The following TRHDE variants were observed in gnomAD, a reference collection of about 807,000 sequenced individuals.
TRHDE encodes the protein thyrotropin releasing hormone degrading enzyme, also known as thyrotropin-releasing hormone-degrading ectoenzyme.
TRHDE carries 72 observed loss-of-function variants against 125.7 expected under a neutral mutation model. The observed-to-expected ratio is 0.57, with a 90% CI of 0.47 to 0.70. The LOEUF (loss-of-function observed/expected upper bound fraction) is 0.70. Ranked by LOEUF, TRHDE falls within the 30% of genes least tolerant of loss-of-function variation. The probability of loss-of-function intolerance (pLI) is 0.00; values close to 1 mark genes in which losing one functional copy is unlikely to be tolerated. For synonymous variants in TRHDE, 509 were observed against 509.1 expected (o/e 1.00, Z 0.00); for missense variants, 1,110 against 1,327.1 (o/e 0.84, Z 2.54).
intron 2 of TRHDE, among the ~76,000 whole-genome samples, chr12:72,223,987 T>G (rs550259817): frequency 4.4e-4 from 67 of 151,778 alleles, no homozygotes; most frequent in African/African-American, 1.6e-3. Flanking sequence ...AAAGGACGGG[T>G]GAAGGAGAAA....
chr12:72,436,934 C>A (rs1264466367), intron 3 of TRHDE, among the ~76,000 whole-genome samples: 1 of 151,788 alleles, frequency 6.6e-6, no homozygotes, highest in Admixed American at 6.6e-5. Flanking sequence ...AATTTATATT[C>A]ATATCTGGGC....
At chr12:72,458,482 T>G (rs1351223938) in intron 3 of TRHDE, among the ~76,000 whole-genome samples, 1 of 152,122 alleles carries the variant, frequency 6.6e-6, no homozygotes, top group Non-Finnish European at 1.5e-5. Flanking sequence ...TCCTCAGACG[T>G]CTGTCTTAGC....
chr12:72,234,042 TTTTA>T (rs2139375852), intron 2 of TRHDE, among the ~76,000 whole-genome samples: 1 of 152,346 alleles, frequency 6.6e-6, no homozygotes, highest in Non-Finnish European at 1.5e-5. Context: ...GATAATTTAT[TTTTA>T]TTTGTGATAT....
chr12:72,584,444 A>G lies in TRHDE; in HGVS notation c.2321+8902A>G, dbSNP rs530080877. 2.2e-3 allele frequency among the ~76,000 whole-genome samples: 329 copies of G among 152,312 alleles called. 2 individuals carry two copies. Among genetic ancestry groups the G allele is most frequent in the African/African-American group, 7.4e-3 (307 of 41,572 alleles). On this transcript the variant is annotated intron_variant, in intron 12 of 18. Transcript: ENST00000261180. Reference sequence around the variant, plus strand: ...TCTCTTAGCATTTTTCAAGAATACAATATATTGTCATTAACTATAGTCATC... The same window carrying G: ...TCTCTTAGCATTTTTCAAGAATACAGTATATTGTCATTAACTATAGTCATC...
intron 2 of TRHDE, among the ~76,000 whole-genome samples, chr12:72,131,471 T>C (rs1875864820): frequency 6.6e-6 from 1 of 152,180 alleles, no homozygotes; most frequent in Admixed American, 6.5e-5. Context: ...TGTTAATGAA[T>C]AGATTTTTTT....
At chr12:72,518,460 A>G (rs1223634432) in intron 6 of TRHDE, among the ~76,000 whole-genome samples, 2 of 151,926 alleles carry the variant, frequency 1.3e-5, no homozygotes, top group Non-Finnish European at 2.9e-5. Context: ...AGAGACTAGG[A>G]TTGCAACCCC....
intron 15 of TRHDE, among the ~76,000 whole-genome samples, chr12:72,630,211 T>C (rs1316557042): frequency 6.6e-6 from 1 of 151,594 alleles, no homozygotes. Context: ...TGTGATTTTA[T>C]TTAGAAGTAG....
chr12:72,189,809 G>C (rs1348927551), intron 2 of TRHDE, among the ~76,000 whole-genome samples: 3 of 152,154 alleles, frequency 2.0e-5, no homozygotes, highest in Non-Finnish European at 2.9e-5. Context: ...GGGAGTAAGA[G>C]AAGATACTGC....
At chr12:72,324,918 G>A (rs1262128208) in intron 2 of TRHDE, among the ~76,000 whole-genome samples, 2 of 151,812 alleles carry the variant, frequency 1.3e-5, no homozygotes, top group African/African-American at 4.8e-5. Context: ...CTAGACATTG[G>A]GTATGGCTTG....
Position 72,126,215 on chromosome 12 carries a change from C to T in TRHDE, n.279+20463C>T, listed in dbSNP as rs150227293. On this transcript the variant is annotated intron_variant and non_coding_transcript_variant, in intron 2 of 4. Coordinates refer to the TRHDE transcript ENST00000548156. ...CACTGCTGAAAGAAATCATAAATGA[C>T]GCAAACGGAAACACATTCCATGCTC... 1.1e-3 allele frequency among the ~76,000 whole-genome samples: 170 copies of T among 152,170 alleles called. 1 individual carries two copies. The highest frequency in any genetic ancestry group is 2.8e-3 in the Admixed American group (43 of 15,258).
intron 6 of TRHDE, among the ~76,000 whole-genome samples, chr12:72,503,618 G>A (rs1878242673): frequency 6.6e-6 from 1 of 152,138 alleles, no homozygotes; most frequent in South Asian, 2.1e-4. Context: ...TTGATATGTA[G>A]TATTAACTTT....
At chr12:72,271,041 C>A (rs916212981), upstream of TRHDE, among the ~76,000 whole-genome samples, 16 of 152,148 alleles carry the variant, frequency 1.1e-4, no homozygotes, top group Non-Finnish European at 1.8e-4. Flanking sequence ...ATTCGTTCAC[C>A]GTTCTAATAA....
chr12:72,595,747 C>T (rs920727592), intron 12 of TRHDE, among the ~76,000 whole-genome samples: 8 of 151,968 alleles, frequency 5.3e-5, no homozygotes, highest in Non-Finnish European at 1.2e-4. Flanking sequence ...GTGGATAAGA[C>T]AATATTTGCA....
At chr12:72,091,476 TGTTCAAAG>T (rs909938478) in intron 1 of TRHDE, among the ~76,000 whole-genome samples, 2 of 152,214 alleles carry the variant, frequency 1.3e-5, no homozygotes, top group African/African-American at 4.8e-5. Context: ...TGTTTACACT[TGTTCAAAG>T]GTAACTATAG....
At chr12:72,232,956 T>C (rs1878275331) in intron 2 of TRHDE, among the ~76,000 whole-genome samples, 1 of 152,152 alleles carries the variant, frequency 6.6e-6, no homozygotes, top group Non-Finnish European at 1.5e-5. Flanking sequence ...CCAAACTCTA[T>C]CAAAGCAGGG....
intron 1 of TRHDE, among the ~76,000 whole-genome samples, chr12:72,098,298 G>A (rs557699887): frequency 4.3e-4 from 65 of 152,266 alleles, no homozygotes; most frequent in Admixed American, 9.8e-4. Context: ...GAGAGAGCTC[G>A]TGTAGTTTTT....
At chr12:72,655,097 A>C (rs1874656040) in intron 17 of TRHDE, among the ~76,000 whole-genome samples, 1 of 152,012 alleles carries the variant, frequency 6.6e-6, no homozygotes, top group African/African-American at 2.4e-5. Flanking sequence ...TTTTGAGACA[A>C]GGTCTCACTC....
rs144938761 is a variant in TRHDE at position 72,377,287 on chromosome 12, A to AT, written c.1189-707dup. Among the ~76,000 whole-genome samples the AT allele has an allele frequency of 8.3e-3, 1,238 of 148,982 alleles. 15 individuals carry two copies. Among genetic ancestry groups the AT allele is most frequent in the African/African-American group, 0.029 (1,179 of 40,360 alleles). ...ACAATTGTTAGTTTTGTTCAGTTTC[A>AT]TGTTACTTGCTTTAGGCTTTTTTTT... On this transcript the variant is annotated intron_variant, in intron 2 of 18. Coordinates refer to ENST00000261180, the MANE Select transcript of TRHDE (RefSeq NM_013381.3).
At chr12:72,219,414 T>G (rs1166661534) in intron 2 of TRHDE, among the ~76,000 whole-genome samples, 2 of 152,130 alleles carry the variant, frequency 1.3e-5, no homozygotes, top group Non-Finnish European at 2.9e-5. Flanking sequence ...ATTGTAGTAA[T>G]CCACATTTTT....
Sources: allele counts gnomAD v4.1 joint callset (sites outside exome capture counted in the v4.1 genomes callset), GRCh38; gene constraint gnomAD v4.1.1; transcripts MANE v1.5; gene names NCBI Gene and HGNC (gene_info 2026-07-23, HGNC 2026-07-21).